The following ANKRD36C variants were observed in gnomAD, a reference collection of about 807,000 sequenced individuals.
ANKRD36C encodes the protein ankyrin repeat domain-containing protein 36C.
Under a neutral mutation model 276.4 loss-of-function variants are expected in ANKRD36C, and 61 were observed. That is an observed-to-expected ratio of 0.22 (90% CI 0.18 to 0.27). ANKRD36C has a LOEUF of 0.27. ANKRD36C is among the 10% of genes least tolerant of loss of function. The probability of loss-of-function intolerance (pLI) is 1.00; values close to 1 mark genes in which losing one functional copy is unlikely to be tolerated. For missense variants in ANKRD36C, 1,447 were observed against 2,032.3 expected, an observed-to-expected ratio of 0.71 and a Z score of 5.54; for synonymous variants, 483 against 680.1, an observed-to-expected ratio of 0.71 and a Z score of 4.51.
At chr2:95,871,399 T>G (rs1431406046) in intron 59 of ANKRD36C, among the ~76,000 whole-genome samples, 2 of 152,128 alleles carry the variant, frequency 1.3e-5, no homozygotes, top group African/African-American at 2.4e-5. Context: ...ACCCAGAATT[T>G]CATATCCTGC....
At chr2:95,884,138 C>T (rs1268807273) in intron 54 of ANKRD36C, 35 bp downstream of exon 74, 16 of 1,581,592 alleles carry the variant, frequency 1.0e-5, no homozygotes, top group Non-Finnish European at 1.4e-5. Flanking sequence ...TCTATCTGGA[C>T]TGAACATGAC....
chr2:95,990,043 T>C (rs969736987), intron 1 of ANKRD36C, among the ~76,000 whole-genome samples: 1 of 152,238 alleles, frequency 6.6e-6, no homozygotes, highest in African/African-American at 2.4e-5. Flanking sequence ...ACTGGATTTT[T>C]TTTATTTTGC....
At position 95,887,882 on chromosome 2, in the gene ANKRD36C, T is replaced by C. The variant is rs752407023; in HGVS notation, c.3061+43A>G. 19 of 1,549,140 alleles carry C rather than the reference T, an allele frequency of 1.2e-5. No homozygotes were observed. The Admixed American group carries it at 3.3e-4, about 27-fold the overall frequency. ...TGTTCGGGGAAGAGAAGTACTTTTCTATCTGGACTGAACATGACATTAAAT... is the reference window on the plus strand; with the variant it reads ...TGTTCGGGGAAGAGAAGTACTTTTCCATCTGGACTGAACATGACATTAAAT... On this transcript the variant is annotated intron_variant, in intron 50 of 66. Transcript: ENST00000456556.
chr2:95,890,968 A>C (rs1037941393), intron 46 of ANKRD36C, among the ~76,000 whole-genome samples: 2 of 151,504 alleles, frequency 1.3e-5, no homozygotes, highest in African/African-American at 4.8e-5. Flanking sequence ...TTATAACTAC[A>C]ATCAACAAAA....
intron 34 of ANKRD36C, among the ~76,000 whole-genome samples, chr2:95,918,349 C>T (rs577229206): frequency 5.3e-4 from 80 of 151,770 alleles, no homozygotes; most frequent in Non-Finnish European, 8.6e-4. Context: ...GATCTAAAAT[C>T]GGAGGAGCAA....
At chr2:95,968,159 T>C (rs1434934570) in intron 6 of ANKRD36C, among the ~76,000 whole-genome samples, 1 of 152,164 alleles carries the variant, frequency 6.6e-6, no homozygotes, top group Non-Finnish European at 1.5e-5. Context: ...TATAAGACTT[T>C]GATGCTTTAT....
intron 6 of ANKRD36C, among the ~76,000 whole-genome samples, chr2:95,963,988 T>C (rs867095652): frequency 5.1e-5 from 1 of 19,532 alleles, no homozygotes; most frequent in African/African-American, 3.9e-4. Context: ...TATATATATA[T>C]ATATATATAT....
intron 50 of ANKRD36C, among the ~76,000 whole-genome samples, 184 bp downstream of exon 70, chr2:95,887,741 T>G (rs961923225): frequency 6.3e-4 from 95 of 151,632 alleles, no homozygotes; most frequent in South Asian, 4.1e-4. Flanking sequence ...ATAATCTTAC[T>G]GCAAAGATCG....
At chr2:95,956,850 A>C in intron 12 of ANKRD36C, 34 bp from the exon 13 acceptor site, 1 of 1,506,932 alleles carries the variant, frequency 6.6e-7, no homozygotes, top group Non-Finnish European at 8.9e-7. Flanking sequence ...ATTTTAAATC[A>C]ACAATAGGAA....
At chr2:95,964,179 A>G (rs1212201142) in intron 6 of ANKRD36C, among the ~76,000 whole-genome samples, 1 of 148,346 alleles carries the variant, frequency 6.7e-6, no homozygotes, top group South Asian at 2.1e-4. Flanking sequence ...AGCTTTCCTA[A>G]AGAAAAAAAA....
intron 6 of ANKRD36C, among the ~76,000 whole-genome samples, chr2:95,965,998 A>T (rs1678583625): frequency 6.6e-6 from 1 of 152,168 alleles, no homozygotes; most frequent in African/African-American, 2.4e-5. Flanking sequence ...TGTCGTCAAT[A>T]AGTTTTAGTA....
rs888496185 is a variant in ANKRD36C, at chr2:95,893,567, G to C, written c.2756-1707C>G. Reference sequence around the variant, plus strand: ...ATTTTTCTCCATCCTTTTTTTCTCTGGCTATATTCAAAACAGAATCTTCCT... The same window carrying C: ...ATTTTTCTCCATCCTTTTTTTCTCTCGCTATATTCAAAACAGAATCTTCCT... On this transcript the variant is annotated intron_variant, in intron 44 of 66. Coordinates refer to ENST00000456556, the Ensembl canonical transcript of ANKRD36C. 2.4e-5 allele frequency: 38 copies of C among 1,560,060 alleles called. No homozygotes were observed. In the African/African-American group the frequency reaches 4.2e-4, roughly 17 times the overall value.
chr2:95,963,568 A>G (rs1020491359), intron 6 of ANKRD36C, among the ~76,000 whole-genome samples: 1 of 134,612 alleles, frequency 7.4e-6, no homozygotes, highest in Non-Finnish European at 1.6e-5. Flanking sequence ...CCCAATAGTA[A>G]CAAAGAGAAG....
chr2:95,870,694 G>C (rs867108454), intron 59 of ANKRD36C, among the ~76,000 whole-genome samples: 2 of 152,120 alleles, frequency 1.3e-5, no homozygotes, highest in Non-Finnish European at 2.9e-5. Context: ...AGAGAAGAAG[G>C]CTTCAGATGA....
chr2:95,948,570 G>A (rs1340057081), exon 17 of ANKRD36C: 2 of 1,535,664 alleles, frequency 1.3e-6, no homozygotes, highest in African/African-American at 1.4e-5. Context: ...CACAGCCTGT[G>A]CAAAACGGTC....
intron 6 of ANKRD36C, among the ~76,000 whole-genome samples, chr2:95,973,123 G>A (rs1310195649): frequency 6.6e-6 from 1 of 151,260 alleles, no homozygotes; most frequent in African/African-American, 2.4e-5. Context: ...TCTCTAAAAT[G>A]TATTAGTAGG....
At chr2:95,943,847 A>T (rs1409526671) in intron 19 of ANKRD36C, among the ~76,000 whole-genome samples, 3 of 152,042 alleles carry the variant, frequency 2.0e-5, no homozygotes, top group Non-Finnish European at 2.9e-5. Context: ...TAGAATTTTT[A>T]AATTAATAAA....
At chr2:95,949,215 A>G (rs1678133348) in intron 16 of ANKRD36C, among the ~76,000 whole-genome samples, 1 of 152,172 alleles carries the variant, frequency 6.6e-6, no homozygotes, top group Admixed American at 6.6e-5. Flanking sequence ...GTACAAATGT[A>G]CTTTGGGAAT....
intron 6 of ANKRD36C, 88 bp from the exon 7 acceptor site, chr2:95,962,635 T>A: frequency 1.3e-6 from 2 of 1,505,028 alleles, no homozygotes; most frequent in South Asian, 1.2e-5. Flanking sequence ...TCAAGCTGTA[T>A]CCTCCTGCCC....
Sources: allele counts gnomAD v4.1 joint callset (sites outside exome capture counted in the v4.1 genomes callset), GRCh38; gene constraint gnomAD v4.1.1; transcripts MANE v1.5; gene names NCBI Gene and HGNC (gene_info 2026-07-23, HGNC 2026-07-21).